Variants in ELMO1 observed in about 807,000 individuals in gnomAD.
ELMO1 encodes engulfment and cell motility 1.
A neutral mutation model predicts 98.9 loss-of-function variants in ELMO1; 26 were observed. That is an observed-to-expected ratio of 0.26 (90% CI 0.19 to 0.36). The LOEUF (loss-of-function observed/expected upper bound fraction) is 0.36. Ranked by LOEUF, ELMO1 falls within the 10% of genes least tolerant of loss-of-function variation. The probability of loss-of-function intolerance (pLI) is 1.00; values close to 1 mark genes in which losing one functional copy is unlikely to be tolerated. For synonymous variants in ELMO1, 346 were observed against 346.0 expected, an observed-to-expected ratio of 1.00 and a Z score of 0.00; for missense variants, 627 against 935.2, an observed-to-expected ratio of 0.67 and a Z score of 4.30.
chr7:37,325,527 C>G (rs916616588), intron 2 of ELMO1, among the ~76,000 whole-genome samples: 1 of 152,098 alleles, frequency 6.6e-6, no homozygotes, highest in Non-Finnish European at 1.5e-5. Flanking sequence ...TTCTGTCCAG[C>G]GATAGCCTCA....
intron 13 of ELMO1, among the ~76,000 whole-genome samples, chr7:37,194,353 C>T (rs948678805): frequency 1.3e-5 from 2 of 152,148 alleles, no homozygotes; most frequent in African/African-American, 2.4e-5. Flanking sequence ...CCCAGCTTCC[C>T]GGCCACACAA....
At chr7:37,132,407 C>A (rs925486723) in intron 14 of ELMO1, among the ~76,000 whole-genome samples, 2 of 152,214 alleles carry the variant, frequency 1.3e-5, no homozygotes, top group South Asian at 4.1e-4. Flanking sequence ...CTTGGATCTA[C>A]CTCATCCTGA....
intron 1 of ELMO1, among the ~76,000 whole-genome samples, chr7:37,370,251 C>CA (rs927290114): frequency 9.9e-5 from 15 of 152,184 alleles, no homozygotes; most frequent in Admixed American, 9.2e-4. Context: ...AGGTCCCATT[C>CA]AGAGTCCAAA....
At chr7:37,058,315 A>G (rs916046375) in intron 15 of ELMO1, among the ~76,000 whole-genome samples, 2 of 152,210 alleles carry the variant, frequency 1.3e-5, no homozygotes, top group Non-Finnish European at 2.9e-5. Flanking sequence ...AATTTAAAAA[A>G]TCCCACCCTC....
intron 16 of ELMO1, among the ~76,000 whole-genome samples, chr7:36,929,255 T>A (rs1247737070): frequency 6.6e-6 from 1 of 152,170 alleles, no homozygotes; most frequent in Non-Finnish European, 1.5e-5. Flanking sequence ...GACTCTTTCA[T>A]CCACATAGAA....
At chr7:36,963,036 A>G (rs541494105) in intron 16 of ELMO1, among the ~76,000 whole-genome samples, 1 of 152,338 alleles carries the variant, frequency 6.6e-6, no homozygotes, top group East Asian at 1.9e-4. Flanking sequence ...ACTCTAGAAG[A>G]CTGGTTAAAT....
intron 1 of ELMO1, chr7:37,429,282 C>T (rs1400118239): frequency 6.6e-6 from 1 of 152,178 alleles, no homozygotes; most frequent in East Asian, 1.9e-4. Context: ...TTCTTCCCCA[C>T]TCACCTCCTT....
intron 20 of ELMO1, among the ~76,000 whole-genome samples, chr7:36,865,933 G>GT (rs910524819): frequency 6.6e-6 from 1 of 152,146 alleles, no homozygotes; most frequent in African/African-American, 2.4e-5. Flanking sequence ...TAAGACCAGG[G>GT]TTTTCAAACT....
intron 13 of ELMO1, among the ~76,000 whole-genome samples, chr7:37,190,038 A>AC (rs1428500424): frequency 1.5e-4 from 5 of 32,666 alleles, no homozygotes; most frequent in Non-Finnish European, 3.7e-4. Flanking sequence ...TTTTGTCCCT[A>AC]CCAAAAAAAA....
intron 13 of ELMO1, among the ~76,000 whole-genome samples, chr7:37,196,903 C>T (rs374987586): frequency 2.6e-4 from 40 of 152,214 alleles, no homozygotes; most frequent in African/African-American, 9.2e-4. Context: ...CCAAAGAGTC[C>T]CCTAGACACT....
chr7:37,008,180 G>T (rs1057452721), intron 16 of ELMO1, among the ~76,000 whole-genome samples: 5 of 152,224 alleles, frequency 3.3e-5, no homozygotes, highest in Admixed American at 1.3e-4. Context: ...TAACGCCAAT[G>T]CTAGGAACAA....
intron 16 of ELMO1, among the ~76,000 whole-genome samples, chr7:36,944,173 A>G (rs1484157088): frequency 6.6e-6 from 1 of 152,190 alleles, no homozygotes; most frequent in Non-Finnish European, 1.5e-5. Context: ...ACATAAGGAC[A>G]TGAACATAGA....
rs1188525749 is a variant in ELMO1 at position 36,894,534 on chromosome 7, CT to C, written c.1601+319del. Among the ~76,000 whole-genome samples, 6 of 152,186 alleles carry C rather than the reference CT, an allele frequency of 3.9e-5. No individual in the cohort carries two copies. In the South Asian group the frequency reaches 6.2e-4, roughly 16 times the overall value. On this transcript the variant is annotated intron_variant, in intron 17 of 21. Coordinates refer to ENST00000310758, the MANE Select transcript of ELMO1 (RefSeq NM_014800.11). ...GGCACCCACATGAAATATAGTTTTA[CT>C]GGTCAAAGAGAAAAAAAATTGTTCC...
intron 15 of ELMO1, among the ~76,000 whole-genome samples, chr7:37,086,765 A>AAAAAAAAAAAAAG (rs1491293564): frequency 2.8e-5 from 4 of 142,566 alleles, no homozygotes; most frequent in Non-Finnish European, 6.1e-5. Flanking sequence ...AAAAAAAAAA[A>AAAAAAAAAAAAAG]GAAATCTTTG....
At chr7:37,291,695 A>G (rs1010498390) in intron 4 of ELMO1, among the ~76,000 whole-genome samples, 1 of 152,176 alleles carries the variant, frequency 6.6e-6, no homozygotes, top group African/African-American at 2.4e-5. Context: ...TGGGTGGATC[A>G]CCTGAGGTCA....
At chr7:36,984,496 G>A (rs142339216) in intron 16 of ELMO1, among the ~76,000 whole-genome samples, 4 of 152,276 alleles carry the variant, frequency 2.6e-5, no homozygotes, top group South Asian at 4.2e-4. Flanking sequence ...TTCTATAGGC[G>A]AAAGCTTTCT....
chr7:37,201,612 G>T (rs141824780), intron 13 of ELMO1, among the ~76,000 whole-genome samples: 1 of 152,192 alleles, frequency 6.6e-6, no homozygotes, highest in Non-Finnish European at 1.5e-5. Flanking sequence ...CCTCTAAGGA[G>T]ACCCCAAGAA....
rs574047269 is a variant in ELMO1 at position 37,204,796 on chromosome 7, A to G, written c.1086+6590T>C. 1.4e-3 allele frequency among the ~76,000 whole-genome samples: 217 copies of G among 152,244 alleles called. 1 individual carries two copies. The highest frequency in any genetic ancestry group is 8.5e-3 in the South Asian group (41 of 4,814). ...GGTGCATTTACAATCCTTTAGCTAG[A>G]AAGAAAAGTTCTCCAAGTCCCCCAC... On this transcript the variant is annotated intron_variant, in intron 13 of 21. Transcript: ENST00000310758.
At chr7:36,863,122 TAC>T (rs1369254606) in intron 20 of ELMO1, among the ~76,000 whole-genome samples, 1 of 152,176 alleles carries the variant, frequency 6.6e-6, no homozygotes, top group Non-Finnish European at 1.5e-5. Flanking sequence ...AGGATAGATC[TAC>T]CAGCGTCTCA....
Sources: allele counts gnomAD v4.1 joint callset (sites outside exome capture counted in the v4.1 genomes callset), GRCh38; gene constraint gnomAD v4.1.1; transcripts MANE v1.5; gene names NCBI Gene and HGNC (gene_info 2026-07-23, HGNC 2026-07-21).